Variants in TMEM131L observed in about 807,000 individuals in gnomAD.
TMEM131L encodes the protein transmembrane protein 131-like.
TMEM131L carries 54 observed loss-of-function variants against 192.2 expected under a neutral mutation model. The ratio of observed to expected loss-of-function variants is 0.28; its 90% confidence interval spans 0.23 to 0.35. TMEM131L has a LOEUF of 0.35. Among genes scored for constraint, TMEM131L ranks in the 10% least tolerant of loss-of-function variants. TMEM131L has a pLI of 1.00. For synonymous variants in TMEM131L, 701 were observed against 704.9 expected (o/e 0.99, Z 0.09); for missense variants, 1,888 against 1,972.9 (o/e 0.96, Z 0.82).
chr4:153,603,141 G>T (rs1680127453), intron 23 of TMEM131L, among the ~76,000 whole-genome samples, 162 bp from the exon 24 acceptor site: 2 of 152,172 alleles, frequency 1.3e-5, no homozygotes, highest in Non-Finnish European at 2.9e-5. Context: ...TTGTGTGTGT[G>T]TTTAAGGAAC....
intron 26 of TMEM131L, among the ~76,000 whole-genome samples, chr4:153,619,649 C>T (rs1733247890): frequency 6.6e-6 from 1 of 152,224 alleles, no homozygotes; most frequent in Admixed American, 6.5e-5. Flanking sequence ...CATAAGGGTT[C>T]TAATATCTCA....
At chr4:153,559,943 C>T (rs181187716) in intron 7 of TMEM131L, among the ~76,000 whole-genome samples, 161 of 152,192 alleles carry the variant, frequency 1.1e-3, no homozygotes, top group Non-Finnish European at 1.6e-3. Flanking sequence ...AGCCTTCCCC[C>T]GCTCACTTGT....
intron 14 of TMEM131L, among the ~76,000 whole-genome samples, chr4:153,587,314 G>A (rs1730763610): frequency 6.7e-6 from 1 of 148,836 alleles, no homozygotes; most frequent in Non-Finnish European, 1.5e-5. Flanking sequence ...GTTTCCCAGA[G>A]GATTAGAGTT....
intron 31 of TMEM131L, 73 bp from the exon 32 acceptor site, chr4:153,632,645 G>A: frequency 6.3e-7 from 1 of 1,577,446 alleles, no homozygotes. Flanking sequence ...CTGGAGGGAA[G>A]GGCAGGTGCA....
chr4:153,509,238 C>T (rs1338723660), intron 3 of TMEM131L, among the ~76,000 whole-genome samples: 1 of 151,718 alleles, frequency 6.6e-6, no homozygotes, highest in Non-Finnish European at 1.5e-5. Flanking sequence ...GTGGCATGCA[C>T]CTGTAGTCCC....
chr4:153,467,677 A>G (rs1283904313), intron 2 of TMEM131L, among the ~76,000 whole-genome samples: 1 of 152,270 alleles, frequency 6.6e-6, no homozygotes. Context: ...GGTATTTGCC[A>G]TTAGCGTTAA....
At chr4:153,466,636 G>A in intron 1 of TMEM131L, 115 bp downstream of exon 1, 1 of 1,045,812 alleles carries the variant, frequency 9.6e-7, no homozygotes, top group Non-Finnish European at 1.2e-6. Context: ...AGGGGCAGGA[G>A]GAGGAAGGAA....
intron 2 of TMEM131L, among the ~76,000 whole-genome samples, chr4:153,471,915 G>A (rs2149724758): frequency 6.6e-6 from 1 of 152,310 alleles, no homozygotes; most frequent in East Asian, 1.9e-4. Flanking sequence ...TGTAGATAAC[G>A]GAAATTGGTA....
chr4:153,555,760 G>C lies in TMEM131L; in HGVS notation c.309-27G>C. 1 of 1,542,132 alleles carries C rather than the reference G, an allele frequency of 6.5e-7. No individual in the cohort carries two copies. Among genetic ancestry groups the C allele is most frequent in the Non-Finnish European group, 8.8e-7 (1 of 1,138,904 alleles). On this transcript the variant is annotated intron_variant, in intron 4 of 34. Transcript: ENST00000409959. This position sits in a 1 kb window ranked among gnomAD's most constrained non-coding sequence, Gnocchi z 4.1. The stretch of plus-strand genomic sequence containing the variant: ...AATATTTATAACCACACAATACATT[G>C]ATTTTTCTCTTTGTTTCTCCTCCTA...
chr4:153,501,597 ATTAC>A lies in TMEM131L; in HGVS notation c.239+27712_239+27715del, dbSNP rs375796961. On this transcript the variant is annotated intron_variant, in intron 3 of 34. Coordinates refer to ENST00000409959, the MANE Select transcript of TMEM131L (RefSeq NM_001131007.2). ...CTCAGGGTATGTGTGCAGGTGTTGT[ATTAC>A]TTCTTGCCATCACTTTTCTTACCAT... is the stretch of plus-strand genomic sequence containing the variant. 7.7e-3 allele frequency among the ~76,000 whole-genome samples: 1,179 copies of A among 152,276 alleles called. 14 individuals are homozygous for A. The highest frequency in any genetic ancestry group is 0.027 in the African/African-American group (1,130 of 41,538).
At chr4:153,549,710 A>G (rs188412999) in intron 3 of TMEM131L, among the ~76,000 whole-genome samples, 163 of 152,356 alleles carry the variant, frequency 1.1e-3, no homozygotes, top group Non-Finnish European at 1.9e-3. Flanking sequence ...CAGAGGCCAC[A>G]GTCCCCCAGG....
intron 3 of TMEM131L, among the ~76,000 whole-genome samples, chr4:153,518,465 C>T (rs1205795297): frequency 6.6e-6 from 1 of 152,124 alleles, no homozygotes; most frequent in African/African-American, 2.4e-5. Flanking sequence ...ACTTGAGAAA[C>T]TGTTAATGGA....
chr4:153,480,174 C>T (rs1731824974), intron 3 of TMEM131L, among the ~76,000 whole-genome samples: 1 of 152,138 alleles, frequency 6.6e-6, no homozygotes, highest in African/African-American at 2.4e-5. Flanking sequence ...CCCGTCTCTA[C>T]TAAAAATATA....
intron 3 of TMEM131L, among the ~76,000 whole-genome samples, chr4:153,484,078 T>C (rs1732136066): frequency 6.6e-6 from 1 of 152,212 alleles, no homozygotes; most frequent in East Asian, 1.9e-4. Context: ...GTCTTCTCTG[T>C]CTAGGAACAC....
intron 3 of TMEM131L, among the ~76,000 whole-genome samples, chr4:153,519,335 A>G (rs745494164): frequency 6.6e-6 from 1 of 152,196 alleles, no homozygotes; most frequent in Admixed American, 6.5e-5. Flanking sequence ...ATTTAGTGGC[A>G]TAGTAGTTGT....
intron 31 of TMEM131L, 167 bp from the exon 32 acceptor site, chr4:153,632,551 T>C (rs1734284909): frequency 1.4e-6 from 1 of 696,086 alleles, no homozygotes; most frequent in Non-Finnish European, 2.4e-6. Context: ...GTCAAAACAA[T>C]ATGCTGTATT....
intron 3 of TMEM131L, among the ~76,000 whole-genome samples, chr4:153,534,701 A>G (rs375315131): frequency 1.3e-5 from 2 of 152,132 alleles, no homozygotes; most frequent in East Asian, 1.9e-4. Context: ...CCAATGTGCT[A>G]GGATTACAGG....
chr4:153,614,004 G>A (rs982541809), intron 26 of TMEM131L, among the ~76,000 whole-genome samples: 1 of 152,332 alleles, frequency 6.6e-6, no homozygotes, highest in East Asian at 1.9e-4. Flanking sequence ...TAGTAGAGGG[G>A]ACTTCAGAGA....
intron 3 of TMEM131L, among the ~76,000 whole-genome samples, chr4:153,475,928 G>T (rs1731504143): frequency 6.6e-6 from 1 of 152,112 alleles, no homozygotes; most frequent in Admixed American, 6.5e-5. Context: ...ATCTCTCAGG[G>T]ATTCGACTGT....
Sources: gnomAD v4.1 joint callset for allele counts (sites outside exome capture counted in the v4.1 genomes callset) on GRCh38, gnomAD v4.1.1 for gene constraint, Gnocchi (gnomAD v3.1) non-coding constraint, MANE v1.5 for transcripts, NCBI Gene and HGNC (gene_info 2026-07-23, HGNC 2026-07-21) for gene names.